Variants in ATP5PF observed in about 807,000 individuals in gnomAD.
ATP5PF encodes the protein ATP synthase peripheral stalk subunit F6, also known as ATP synthase peripheral stalk subunit F6, mitochondrial.
ATP5PF carries 7 observed loss-of-function variants against 12.0 expected under a neutral mutation model. That is an observed-to-expected ratio of 0.58 (90% CI 0.33 to 1.10). The LOEUF is 1.10. ATP5PF is among the 50% of genes least tolerant of loss of function. The pLI is 0.03. For missense variants in ATP5PF, 120 were observed against 127.7 expected, an observed-to-expected ratio of 0.94 and a Z score of 0.29; for synonymous variants, 41 against 45.4, an observed-to-expected ratio of 0.90 and a Z score of 0.39.
chr21:25,735,088 C>G (rs1192622093), upstream of ATP5PF: 2 of 882,950 alleles, frequency 2.3e-6, no homozygotes, highest in African/African-American at 3.3e-5. Flanking sequence ...CTTCCGGGTC[C>G]CCTGGCACAG....
chr21:25,734,210 A>G (rs2034913165), intron 1 of ATP5PF: 1 of 549,470 alleles, frequency 1.8e-6, no homozygotes, highest in African/African-American at 2.1e-5. Context: ...GGGTGCCACG[A>G]GAGCATATGA....
At chr21:25,728,169 G>A (rs1166665781) in intron 2 of ATP5PF, among the ~76,000 whole-genome samples, 4 of 152,114 alleles carry the variant, frequency 2.6e-5, no homozygotes, top group Non-Finnish European at 4.4e-5. Context: ...TAACATGTCT[G>A]TCTTTGCTCT....
At chr21:25,732,576 G>A (rs1399929327) in intron 1 of ATP5PF, among the ~76,000 whole-genome samples, 1 of 151,398 alleles carries the variant, frequency 6.6e-6, no homozygotes, top group African/African-American at 2.4e-5. Context: ...AGCTTGGGAG[G>A]TAGAAGCTGC....
intron 2 of ATP5PF, among the ~76,000 whole-genome samples, chr21:25,725,949 G>GT (rs1297072596): frequency 2.6e-5 from 4 of 152,184 alleles, no homozygotes; most frequent in South Asian, 2.1e-4. Context: ...TGCAAAAGGT[G>GT]TATCGTTAAG....
intron 2 of ATP5PF, 103 bp downstream of exon 2, chr21:25,729,528 G>T: frequency 9.3e-7 from 1 of 1,079,072 alleles, no homozygotes; most frequent in Non-Finnish European, 1.3e-6. Context: ...GATGAGCTCA[G>T]TGAAGGTCTA....
chr21:25,727,138 A>C (rs2034639565), intron 2 of ATP5PF, among the ~76,000 whole-genome samples: 2 of 152,264 alleles, frequency 1.3e-5, no homozygotes, highest in African/African-American at 4.8e-5. Flanking sequence ...AATTGTAATT[A>C]GAATTTGAAT....
intron 1 of ATP5PF, among the ~76,000 whole-genome samples, chr21:25,733,267 C>T (rs1235219967): frequency 2.6e-5 from 4 of 151,898 alleles, no homozygotes; most frequent in East Asian, 3.9e-4. Flanking sequence ...CGGTGGCTCA[C>T]GCTTGTAATC....
chr21:25,729,745 A>G lies in ATP5PF; in HGVS notation c.50T>C (p.Val17Ala), dbSNP rs957686958. ...FRFSSVIRSA[V>A]SVHLRRNIGV... ...AATGTTCCTCCGCAAATGGACTGAG[A>G]CGGCTGACCGAATGACAGAGGAGAA... The change falls in exon 2 of 4, where the codon GTC (valine) becomes GCC (alanine). Residue 17 changes from valine (V) to alanine (A), a missense_variant. By Grantham distance (64) the Val-to-Ala change is moderately conservative. Coordinates refer to ENST00000284971, the MANE Select transcript of ATP5PF (RefSeq NM_001003703.2). 1.2e-6 allele frequency: 2 copies of G among 1,613,938 alleles called. No individual in the cohort carries two copies. Among genetic ancestry groups the G allele is most frequent in the Non-Finnish European group, 1.7e-6 (2 of 1,180,008 alleles).
At chr21:25,728,273 A>G (rs971483014) in intron 2 of ATP5PF, among the ~76,000 whole-genome samples, 3 of 152,144 alleles carry the variant, frequency 2.0e-5, no homozygotes, top group Non-Finnish European at 4.4e-5. Flanking sequence ...AAAAGCTGTA[A>G]TTTCTCACAA....
intron 2 of ATP5PF, among the ~76,000 whole-genome samples, chr21:25,728,352 A>G (rs1321316905): frequency 6.6e-6 from 1 of 152,138 alleles, no homozygotes; most frequent in Non-Finnish European, 1.5e-5. Flanking sequence ...TTCTAACCCC[A>G]TACCATCCTT....
chr21:25,727,431 T>C (rs550893783), intron 2 of ATP5PF, among the ~76,000 whole-genome samples: 62 of 152,194 alleles, frequency 4.1e-4, no homozygotes, highest in Non-Finnish European at 7.8e-4. Flanking sequence ...GGCATGCTAA[T>C]GTATTGAATA....
In ATP5PF at chr21:25,729,712, G is replaced by T. The variant is rs758417035; in HGVS notation, c.83C>A (p.Thr28Lys). 6.2e-7 allele frequency: 1 copy of T among 1,613,866 alleles called. No individual in the cohort carries two copies. Among genetic ancestry groups the T allele is most frequent in the Non-Finnish European group, 8.5e-7 (1 of 1,179,974 alleles). ...AAGTTCCTTATTAAATGCCACTGCT[G>T]TAACACCAATGTTCCTCCGCAAATG... ...SVHLRRNIGVTAVAFNKELDP... is the reference protein window; with the variant it reads ...SVHLRRNIGVKAVAFNKELDP... Residue 28 changes from threonine to lysine, a missense_variant, in exon 2 of 4, where the codon ACA becomes AAA. By Grantham distance (78) the Thr-to-Lys change is moderately conservative. Transcript: ENST00000284971.
chr21:25,730,159 G>A (rs1408050086), intron 1 of ATP5PF, among the ~76,000 whole-genome samples: 2 of 152,114 alleles, frequency 1.3e-5, no homozygotes, highest in Admixed American at 1.3e-4. Flanking sequence ...AAGTACACTG[G>A]CCCCCAAACT....
chr21:25,734,279 A>C, intron 1 of ATP5PF: 1 of 968,676 alleles, frequency 1.0e-6, no homozygotes, highest in African/African-American at 1.8e-5. Context: ...CACTAGTCTG[A>C]GCAGAGGCCT....
chr21:25,734,782 C>T, intron 1 of ATP5PF, 71 bp downstream of exon 1: 1 of 1,442,164 alleles, frequency 6.9e-7, no homozygotes, highest in South Asian at 1.3e-5. Context: ...GAGAGGCAGC[C>T]CAGGCCTCGT....
At chr21:25,734,648 A>C in intron 1 of ATP5PF, 54 of 421,544 alleles carry the variant, frequency 1.3e-4, no homozygotes, top group East Asian at 4.2e-4. Context: ...CAGAGAGGGT[A>C]TCGATCTTAT....
intron 1 of ATP5PF, chr21:25,734,411 T>C (rs917181717): frequency 5.0e-6 from 5 of 995,496 alleles, no homozygotes; most frequent in Non-Finnish European, 6.0e-6. Flanking sequence ...AATGAAGTGT[T>C]AGCACCATCG....
intron 1 of ATP5PF, among the ~76,000 whole-genome samples, chr21:25,731,639 G>C (rs2034781154): frequency 6.6e-6 from 1 of 150,726 alleles, no homozygotes; most frequent in Non-Finnish European, 1.5e-5. Context: ...GTGAAAATCT[G>C]ATATGCTAAC....
intron 1 of ATP5PF, among the ~76,000 whole-genome samples, chr21:25,732,509 G>A (rs1480916609): frequency 4.0e-5 from 6 of 151,798 alleles, no homozygotes; most frequent in African/African-American, 9.7e-5. Context: ...AGCCAAGTGC[G>A]GTGGTGGGTG....
Sources: allele counts gnomAD v4.1 joint callset (sites outside exome capture counted in the v4.1 genomes callset), GRCh38; gene constraint gnomAD v4.1.1; transcripts MANE v1.5; gene names NCBI Gene and HGNC (gene_info 2026-07-23, HGNC 2026-07-21).